The following SCN9A variants were observed in gnomAD, a reference collection of about 807,000 sequenced individuals.
The protein encoded by SCN9A is sodium channel protein type 9 subunit alpha.
Under a neutral mutation model 187.0 loss-of-function variants are expected in SCN9A, and 131 were observed. That is an observed-to-expected ratio of 0.70 (90% CI 0.61 to 0.81). SCN9A has a LOEUF of 0.81. Among genes scored for constraint, SCN9A ranks in the 30% least tolerant of loss-of-function variants. SCN9A has a pLI of 0.00. For synonymous variants in SCN9A, 809 were observed against 808.6 expected, an observed-to-expected ratio of 1.00 and a Z score of -0.01; for missense variants, 2,252 against 2,396.6, an observed-to-expected ratio of 0.94 and a Z score of 1.26.
intron 14 of SCN9A, among the ~76,000 whole-genome samples, chr2:166,279,894 C>T (rs938903832): frequency 6.6e-6 from 1 of 151,954 alleles, no homozygotes; most frequent in African/African-American, 2.4e-5. Context: ...GGGCATATCA[C>T]TCATATAATG....
chr2:166,334,585 T>G (rs1699583416), intron 1 of SCN9A, among the ~76,000 whole-genome samples: 1 of 152,126 alleles, frequency 6.6e-6, no homozygotes, highest in African/African-American at 2.4e-5. Flanking sequence ...AATAGCCTTG[T>G]AAGCAAGTCT....
chr2:166,369,379 G>A (rs1450521482), intron 1 of SCN9A, among the ~76,000 whole-genome samples: 1 of 152,092 alleles, frequency 6.6e-6, no homozygotes, highest in Admixed American at 6.5e-5. Context: ...AAATATAGTA[G>A]AGATGTAATA....
Position 166,284,457 on chromosome 2 carries a change from T to A in SCN9A, c.1970A>T (p.Asp657Val). 6.2e-7 allele frequency: 1 copy of A among 1,610,822 alleles called. No homozygotes were observed. Among genetic ancestry groups the A allele is most frequent in the East Asian group, 2.2e-5 (1 of 44,732 alleles). The change falls in exon 12 of 27, where the codon GAC (aspartate) becomes GTC (valine). Residue 657 changes from aspartate (D) to valine (V), a missense_variant. Coordinates refer to ENST00000642356, the MANE Select transcript of SCN9A (RefSeq NM_001365536.1). ...AGCTATGTAAAACGTCCTTACGCTG[T>A]CATCAGAAGTTGCCTTATCTATTAT... ...EVIIDKATSD[D>V]SGTTNQIHKK...
chr2:166,239,951 T>A (rs1405228285), intron 19 of SCN9A, among the ~76,000 whole-genome samples: 1 of 152,176 alleles, frequency 6.6e-6, no homozygotes, highest in East Asian at 1.9e-4. Flanking sequence ...TCTATCTGAT[T>A]TAGGACTTAA....
chr2:166,263,266 C>T (rs2106444509), intron 17 of SCN9A, among the ~76,000 whole-genome samples: 1 of 152,066 alleles, frequency 6.6e-6, no homozygotes, highest in Admixed American at 6.6e-5. Flanking sequence ...ATTTTGCATG[C>T]CTCACTTTTT....
chr2:166,290,037 G>A (rs941282178), intron 9 of SCN9A, among the ~76,000 whole-genome samples: 5 of 152,082 alleles, frequency 3.3e-5, no homozygotes, highest in Non-Finnish European at 5.9e-5. Flanking sequence ...GCATGCATTA[G>A]GTAGTTGTCC....
At chr2:166,366,080 C>T (rs1056699031) in intron 1 of SCN9A, among the ~76,000 whole-genome samples, 2 of 152,148 alleles carry the variant, frequency 1.3e-5, no homozygotes, top group Non-Finnish European at 2.9e-5. Context: ...TCTGCCAGGT[C>T]TTCCCTCCCT....
intron 1 of SCN9A, among the ~76,000 whole-genome samples, chr2:166,327,767 T>TA (rs1284848769): frequency 1.3e-5 from 2 of 152,134 alleles, no homozygotes; most frequent in African/African-American, 4.8e-5. Context: ...AATATAATCT[T>TA]ATCAATTGAC....
intron 24 of SCN9A, among the ~76,000 whole-genome samples, chr2:166,218,424 AT>A (rs1323981989): frequency 6.6e-6 from 1 of 150,962 alleles, no homozygotes; most frequent in African/African-American, 2.4e-5. Context: ...AAATAAATAA[AT>A]AAAAAATAAA....
chr2:166,299,678 A>G (rs777179779), intron 7 of SCN9A, among the ~76,000 whole-genome samples: 7 of 150,812 alleles, frequency 4.6e-5, no homozygotes, highest in Non-Finnish European at 1.0e-4. Flanking sequence ...AGGGATGTTC[A>G]GAGGTAGAGG....
At chr2:166,269,089 C>T (rs1385071410) in intron 17 of SCN9A, among the ~76,000 whole-genome samples, 1 of 151,792 alleles carries the variant, frequency 6.6e-6, no homozygotes, top group Admixed American at 6.6e-5. Flanking sequence ...AGAATGTACA[C>T]TCTTTTATCA....
At chr2:166,249,713 T>C (rs991773606) in intron 18 of SCN9A, among the ~76,000 whole-genome samples, 3 of 152,174 alleles carry the variant, frequency 2.0e-5, no homozygotes, top group Non-Finnish European at 4.4e-5. Context: ...CTTTGTATTA[T>C]ATCTTATTAT....
intron 24 of SCN9A, among the ~76,000 whole-genome samples, chr2:166,223,785 AT>A (rs537403630): frequency 9.2e-5 from 14 of 152,280 alleles, no homozygotes; most frequent in Admixed American, 9.2e-4. Flanking sequence ...TACCACTTTC[AT>A]TTGTTTTTTT....
intron 21 of SCN9A, among the ~76,000 whole-genome samples, chr2:166,231,311 G>T (rs1044200771): frequency 6.6e-6 from 1 of 152,146 alleles, no homozygotes; most frequent in Non-Finnish European, 1.5e-5. Context: ...TTTTTGAATT[G>T]TGCTTATGAA....
chr2:166,231,014 T>G (rs537318377), intron 21 of SCN9A, among the ~76,000 whole-genome samples: 44 of 152,314 alleles, frequency 2.9e-4, no homozygotes, highest in Non-Finnish European at 4.6e-4. Flanking sequence ...AATAAATGTC[T>G]CTTTTTGCAT....
chr2:166,244,333 C>T (rs559300714), intron 18 of SCN9A, among the ~76,000 whole-genome samples: 1 of 152,072 alleles, frequency 6.6e-6, no homozygotes, highest in African/African-American at 2.4e-5. Flanking sequence ...TCTGAAACAA[C>T]AATATTAAGG....
intron 21 of SCN9A, among the ~76,000 whole-genome samples, chr2:166,232,107 C>T (rs542642467): frequency 6.6e-6 from 1 of 152,156 alleles, no homozygotes; most frequent in Non-Finnish European, 1.5e-5. Flanking sequence ...CATTCCAGAA[C>T]AGAGGCATAA....
In SCN9A at chr2:166,307,091, A is replaced by G; in HGVS notation, c.259-17T>C. The G allele has an allele frequency of 7.0e-7, 1 of 1,420,018 alleles. No individual in the cohort carries two copies. The highest frequency in any genetic ancestry group is 1.2e-5 in the South Asian group (1 of 84,298). The allele number at this position is 1,420,018 out of a possible 1,614,324, so 88.0% of individuals were successfully genotyped here. ...TATGAAAGTCTGCAGGAGGAAAAAG[A>G]AAGGATGAAATTGAGAATCCAAAAT... On this transcript the variant is annotated splice_polypyrimidine_tract_variant and intron_variant, in intron 2 of 26. Transcript: ENST00000642356.
rs573692993 is a variant in SCN9A at position 166,302,814 on chromosome 2, A to G, written c.901+276T>C. The G allele has an allele frequency of 2.0e-4, 37 of 184,484 alleles. 1 individual carries two copies. The highest frequency in any genetic ancestry group is 2.3e-3 in the Middle Eastern group (1 of 440). The allele number at this position is 184,484 out of a possible 1,614,324, so 11.4% of individuals were successfully genotyped here. A position where few individuals can be genotyped will look rare whatever the true frequency, so the allele number is the denominator to read the frequency against. On this transcript the variant is annotated intron_variant, in intron 7 of 26. Coordinates refer to ENST00000642356, the MANE Select transcript of SCN9A (RefSeq NM_001365536.1). ...GTTAATGTTATTAATTCAAGGCTAC[A>G]TTTATTTCTCTAGAGAAAATAATTC...
Sources: gnomAD v4.1 joint callset for allele counts (sites outside exome capture counted in the v4.1 genomes callset) on GRCh38, gnomAD v4.1.1 for gene constraint, MANE v1.5 for transcripts, NCBI Gene and HGNC (gene_info 2026-07-23, HGNC 2026-07-21) for gene names.